The following KANSL1 variants were observed in gnomAD, a reference collection of about 807,000 sequenced individuals.
KANSL1 encodes KAT8 regulatory NSL complex subunit 1.
A neutral mutation model predicts 103.6 loss-of-function variants in KANSL1; 22 were observed. That is an observed-to-expected ratio of 0.21 (90% CI 0.15 to 0.30). The LOEUF (loss-of-function observed/expected upper bound fraction) is 0.30. Ranked by LOEUF, KANSL1 falls within the 10% of genes least tolerant of loss-of-function variation. The probability of loss-of-function intolerance (pLI) is 1.00; values close to 1 mark genes in which losing one functional copy is unlikely to be tolerated. For missense variants in KANSL1, 1,337 were observed against 1,399.8 expected, an observed-to-expected ratio of 0.96 and a Z score of 0.72; for synonymous variants, 600 against 527.6, an observed-to-expected ratio of 1.14 and a Z score of -1.88.
chr17:46,114,085 G>A (rs1262713809), intron 2 of KANSL1, among the ~76,000 whole-genome samples: 1 of 152,188 alleles, frequency 6.6e-6, no homozygotes, highest in South Asian at 2.1e-4. Flanking sequence ...TCAGGGCCAG[G>A]CATGTTGGCT....
At chr17:46,056,779 TG>T (rs1568396181) in intron 6 of KANSL1, among the ~76,000 whole-genome samples, 2 of 152,262 alleles carry the variant, frequency 1.3e-5, no homozygotes, top group Admixed American at 1.3e-4. Context: ...ACTCTGTAAC[TG>T]TTAAAACATT....
intron 2 of KANSL1, among the ~76,000 whole-genome samples, chr17:46,159,934 A>C (rs536006688): frequency 8.5e-5 from 13 of 152,364 alleles, no homozygotes; most frequent in Non-Finnish European, 1.9e-4. Context: ...CTGTGTGGTC[A>C]GAGAGCTGTC....
intron 2 of KANSL1, chr17:46,120,047 T>A (rs992623429): frequency 1.4e-5 from 2 of 147,780 alleles, no homozygotes; most frequent in African/African-American, 4.8e-5. Flanking sequence ...CAGAGCTTTA[T>A]TTCTGAAGAA....
In KANSL1 at chr17:46,171,592, A is replaced by G. The variant is rs772655276; in HGVS notation, c.552T>C (p.Thr184=). Residue 184 remains threonine (T), a synonymous_variant, in exon 2 of 15, where the codon ACT becomes ACC. Transcript: ENST00000432791. ...TTTCACCCCCATGAAGAGCAGATGA[A>G]GTGAGAGCCCGTTTTCCCCCATTGA... ...TSLNGGKRAL[T]SSALHGGEMG... The G allele has an allele frequency of 2.5e-6, 4 of 1,591,544 alleles. No individual in the cohort carries two copies. Among genetic ancestry groups the G allele is most frequent in the Admixed American group, 1.8e-5 (1 of 54,278 alleles).
intron 2 of KANSL1, among the ~76,000 whole-genome samples, chr17:46,151,537 A>G (rs2045104241): frequency 6.6e-6 from 1 of 152,216 alleles, no homozygotes; most frequent in Admixed American, 6.5e-5. Flanking sequence ...CTTGTTAACT[A>G]GCCTTCGGTC....
chr17:46,072,866 A>T (rs2146719168), intron 4 of KANSL1, among the ~76,000 whole-genome samples: 1 of 152,334 alleles, frequency 6.6e-6, no homozygotes, highest in East Asian at 1.9e-4. Context: ...ATGGTTCCTA[A>T]GCCTAAGATT....
chr17:46,040,016 G>A (rs1489212483), intron 7 of KANSL1, 132 bp from the exon 8 acceptor site: 1 of 754,508 alleles, frequency 1.3e-6, no homozygotes, highest in Non-Finnish European at 2.2e-6. Flanking sequence ...TCATATGGAA[G>A]ATCTGTTTAC....
chr17:46,056,584 CTGATAGAACATTTACCATCAAACT>C (rs142958693), intron 6 of KANSL1, among the ~76,000 whole-genome samples: 21,579 of 151,972 alleles, frequency 0.14, 2,052 homozygotes, highest in Non-Finnish European at 0.22. Context: ...AGTATAGCTA[CTGATAGAACATTTACCATCAAACT>C]TGATAGAACA....
intron 6 of KANSL1, among the ~76,000 whole-genome samples, chr17:46,061,225 A>G (rs1474023381): frequency 1.3e-5 from 2 of 152,186 alleles, no homozygotes; most frequent in East Asian, 3.8e-4. Context: ...TATTAATAAA[A>G]CTACATTCTT....
In KANSL1 at chr17:46,178,744, T is replaced by A. The variant is rs897141221; in HGVS notation, c.-89-6512A>T. ...TTCCCAGATGGAGACTCACAACGTA[T>A]TGCATCATACTGAATATGCAAATGT... On this transcript the variant is annotated intron_variant, in intron 1 of 14. Transcript: ENST00000432791. Among the ~76,000 whole-genome samples the A allele has an allele frequency of 2.0e-5, 3 of 152,366 alleles. No individual in the cohort carries two copies. In the East Asian group the frequency reaches 5.8e-4, roughly 29 times the overall value.
intron 2 of KANSL1, among the ~76,000 whole-genome samples, chr17:46,130,914 A>G (rs1241337136): frequency 1.3e-5 from 2 of 152,234 alleles, no homozygotes; most frequent in Non-Finnish European, 2.9e-5. Context: ...AAATAAACAC[A>G]TTTCTTTAAG....
rs374360315 is a variant in KANSL1, at chr17:46,031,706, G to A, written c.3091-3C>T. 75 of 1,592,026 alleles carry A rather than the reference G, an allele frequency of 4.7e-5. No individual in the cohort carries two copies. The highest frequency in any genetic ancestry group is 6.4e-5 in the Non-Finnish European group (74 of 1,163,584). On this transcript the variant is annotated splice_region_variant and splice_polypyrimidine_tract_variant and intron_variant, in intron 14 of 14. Coordinates refer to ENST00000432791, the MANE Select transcript of KANSL1 (RefSeq NM_015443.4). Reference sequence around the variant, plus strand: ...CGCCGCTCCCAGGGCTGGACAGACTGTAGGCAGACAAGTTGCTCTTTGAGG... The same window carrying A: ...CGCCGCTCCCAGGGCTGGACAGACTATAGGCAGACAAGTTGCTCTTTGAGG...
At chr17:46,031,843 C>T in intron 14 of KANSL1, 140 bp from the exon 15 acceptor site, 2 of 1,034,730 alleles carry the variant, frequency 1.9e-6, no homozygotes, top group Non-Finnish European at 2.8e-6. Context: ...GAACACCCCT[C>T]CTAGGGTATA....
intron 2 of KANSL1, among the ~76,000 whole-genome samples, chr17:46,138,675 G>C (rs537704066): frequency 1.1e-4 from 17 of 152,334 alleles, no homozygotes; most frequent in Admixed American, 4.6e-4. Flanking sequence ...TAAATCAACA[G>C]CACATCTAGT....
intron 1 of KANSL1, among the ~76,000 whole-genome samples, chr17:46,175,752 G>T (rs1006675858): frequency 6.6e-6 from 1 of 152,118 alleles, no homozygotes; most frequent in Non-Finnish European, 1.5e-5. Flanking sequence ...TTCTCCTGTG[G>T]GCTTTCTGGC....
chr17:46,138,084 G>C (rs1054151338), intron 2 of KANSL1, among the ~76,000 whole-genome samples: 1 of 152,130 alleles, frequency 6.6e-6, no homozygotes, highest in African/African-American at 2.4e-5. Flanking sequence ...CACATTTCCT[G>C]ACTCCTGCCT....
At chr17:46,195,710 G>A (rs1459812536), upstream of KANSL1, among the ~76,000 whole-genome samples, 1 of 152,116 alleles carries the variant, frequency 6.6e-6, no homozygotes, top group African/African-American at 2.4e-5. Flanking sequence ...ATGCCACCAT[G>A]CCCAGCTGTT....
At chr17:46,095,064 CTAAT>C (rs2042003798) in intron 2 of KANSL1, among the ~76,000 whole-genome samples, 1 of 151,948 alleles carries the variant, frequency 6.6e-6, no homozygotes, top group Admixed American at 6.6e-5. Context: ...ATTATTAAAA[CTAAT>C]AAAGAATTCA....
chr17:46,074,229 G>A (rs1313609731), intron 4 of KANSL1, among the ~76,000 whole-genome samples: 4 of 152,142 alleles, frequency 2.6e-5, no homozygotes, highest in Non-Finnish European at 5.9e-5. Context: ...GGACACAGGA[G>A]CCAATCTGAA....
Sources: allele counts gnomAD v4.1 joint callset (sites outside exome capture counted in the v4.1 genomes callset), GRCh38; gene constraint gnomAD v4.1.1; transcripts MANE v1.5; gene names NCBI Gene and HGNC (gene_info 2026-07-23, HGNC 2026-07-21).